Variants in IPCEF1 observed in about 807,000 individuals in gnomAD.
IPCEF1 encodes the protein interactor protein for cytohesin exchange factors 1.
A neutral mutation model predicts 50.9 loss-of-function variants in IPCEF1; 31 were observed. That is an observed-to-expected ratio of 0.61 (90% CI 0.46 to 0.82). IPCEF1 has a LOEUF of 0.82. Ranked by LOEUF, IPCEF1 falls within the 40% of genes least tolerant of loss-of-function variation. IPCEF1 has a pLI of 0.00. For missense variants in IPCEF1, 458 were observed against 514.0 expected (o/e 0.89, Z 1.05); for synonymous variants, 181 against 192.0 (o/e 0.94, Z 0.47).
chr6:154,265,782 C>A (rs1781740395), intron 3 of IPCEF1, 130 bp downstream of exon 3: 2 of 676,254 alleles, frequency 3.0e-6, no homozygotes, highest in South Asian at 1.9e-5. Context: ...GCAACAGTGT[C>A]TTTGGTTCTA....
At chr6:154,205,281 T>C (rs552742189) in intron 9 of IPCEF1, among the ~76,000 whole-genome samples, 1 of 152,328 alleles carries the variant, frequency 6.6e-6, no homozygotes, top group African/African-American at 2.4e-5. Context: ...CCCTGTATTT[T>C]TTTTTAATAA....
intron 1 of IPCEF1, among the ~76,000 whole-genome samples, chr6:154,342,784 T>C (rs1281878381): frequency 2.0e-5 from 3 of 152,116 alleles, no homozygotes; most frequent in Non-Finnish European, 2.9e-5. Flanking sequence ...TAAGGAAATG[T>C]GTAAATACTA....
intron 5 of IPCEF1, among the ~76,000 whole-genome samples, chr6:154,224,324 G>T (rs1285743052): frequency 1.3e-5 from 2 of 152,108 alleles, no homozygotes; most frequent in Admixed American, 6.5e-5. Flanking sequence ...AAATTAAACT[G>T]TGAGGCATCC....
intron 2 of IPCEF1, among the ~76,000 whole-genome samples, chr6:154,276,138 T>C (rs1349269222): frequency 6.6e-6 from 1 of 151,532 alleles, no homozygotes; most frequent in Non-Finnish European, 1.5e-5. Flanking sequence ...GAGCCGAGAT[T>C]GTGCCACTGC....
intron 2 of IPCEF1, among the ~76,000 whole-genome samples, chr6:154,284,393 A>G (rs74534438): frequency 0.037 from 5,619 of 152,234 alleles, 329 homozygotes; most frequent in African/African-American, 0.13. Flanking sequence ...TTGTTAGTGT[A>G]CTCTATGTCT....
At chr6:154,283,398 C>G (rs1408108879) in intron 2 of IPCEF1, among the ~76,000 whole-genome samples, 1 of 151,358 alleles carries the variant, frequency 6.6e-6, no homozygotes, top group Admixed American at 6.6e-5. Flanking sequence ...AGATCATGAC[C>G]ATCCTGGCTA....
rs1483006308 is a variant in IPCEF1 at position 154,298,931 on chromosome 6, C to T, written c.-61-9175G>A. Among the ~76,000 whole-genome samples, 4 of 138,466 alleles carry T rather than the reference C, an allele frequency of 2.9e-5. 1 individual carries two copies. Among genetic ancestry groups the T allele is most frequent in the African/African-American group, 5.2e-5 (2 of 38,656 alleles). The allele number at this position is 138,466 out of a possible 152,430, so 90.8% of individuals were successfully genotyped here. A position where few individuals can be genotyped will look rare whatever the true frequency, so the allele number is the denominator to read the frequency against. On this transcript the variant is annotated intron_variant, in intron 1 of 11. Transcript: ENST00000367220. ...AAGCTGAGATAGCCCCATTGCACTC[C>T]GACCTGGGCAACAAGAGCGAAACTC...
At position 154,265,860 on chromosome 6, in the gene IPCEF1, A is replaced by C. The variant is rs373892936; in HGVS notation, c.36+52T>G. On this transcript the variant is annotated intron_variant, in intron 3 of 11. Transcript: ENST00000367220. The stretch of plus-strand genomic sequence containing the variant: ...TTGAAATCAACCTACTATTTTACTC[A>C]TTCATCAAACTGACAATATCTAAAG... 6 of 1,306,188 alleles carry C rather than the reference A, an allele frequency of 4.6e-6. No individual in the cohort carries two copies. In the African/African-American group the frequency reaches 9.0e-5, roughly 20 times the overall value. The allele number at this position is 1,306,188 out of a possible 1,614,324, so 80.9% of individuals were successfully genotyped here. A position where few individuals can be genotyped will look rare whatever the true frequency, so the allele number is the denominator to read the frequency against.
chr6:154,244,307 T>TGG (rs1780854343), intron 5 of IPCEF1, among the ~76,000 whole-genome samples: 1 of 150,748 alleles, frequency 6.6e-6, no homozygotes, highest in Non-Finnish European at 1.5e-5. Flanking sequence ...GGTGGGTGTG[T>TGG]GTGTGTGTGT....
chr6:154,290,083 A>G (rs1226406102), intron 1 of IPCEF1, among the ~76,000 whole-genome samples: 1 of 152,202 alleles, frequency 6.6e-6, no homozygotes, highest in East Asian at 1.9e-4. Flanking sequence ...GCAGTCTCCC[A>G]TTAGATAAGT....
chr6:154,347,822 G>A (rs1459288584), intron 1 of IPCEF1, among the ~76,000 whole-genome samples: 1 of 152,162 alleles, frequency 6.6e-6, no homozygotes, highest in Admixed American at 6.5e-5. Flanking sequence ...GTGAGCTCGT[G>A]GGGAGTGGAC....
At chr6:154,292,366 A>G (rs902025291) in intron 1 of IPCEF1, among the ~76,000 whole-genome samples, 1 of 152,220 alleles carries the variant, frequency 6.6e-6, no homozygotes, top group Non-Finnish European at 1.5e-5. Context: ...ATTGCCTCAT[A>G]TAAACTAAAT....
chr6:154,280,061 G>A (rs564135726), intron 2 of IPCEF1, among the ~76,000 whole-genome samples: 10 of 152,328 alleles, frequency 6.6e-5, no homozygotes, highest in South Asian at 4.1e-4. Flanking sequence ...AATGCCAAGC[G>A]TTGGCAAGAT....
intron 3 of IPCEF1, among the ~76,000 whole-genome samples, chr6:154,265,312 G>A (rs948374016): frequency 4.6e-5 from 7 of 151,116 alleles, no homozygotes; most frequent in Admixed American, 2.0e-4. Flanking sequence ...GCGGAGTCTC[G>A]CTCTGTTGCC....
intron 5 of IPCEF1, among the ~76,000 whole-genome samples, chr6:154,230,912 T>C (rs953096352): frequency 6.6e-6 from 1 of 152,354 alleles, no homozygotes; most frequent in South Asian, 2.1e-4. Flanking sequence ...TAATATACTT[T>C]TGTGTTTTTA....
At chr6:154,239,254 T>C (rs543706894) in intron 5 of IPCEF1, among the ~76,000 whole-genome samples, 2 of 152,344 alleles carry the variant, frequency 1.3e-5, no homozygotes, top group East Asian at 3.9e-4. Context: ...TATTGAGAAC[T>C]GCCCATCCCA....
At chr6:154,342,031 T>C (rs1783928962) in intron 1 of IPCEF1, among the ~76,000 whole-genome samples, 1 of 152,164 alleles carries the variant, frequency 6.6e-6, no homozygotes. Flanking sequence ...TCCAAATGAA[T>C]AGCCGTTACT....
intron 1 of IPCEF1, among the ~76,000 whole-genome samples, chr6:154,323,726 G>A (rs1783449795): frequency 6.6e-6 from 1 of 152,184 alleles, no homozygotes; most frequent in African/African-American, 2.4e-5. Context: ...GCCGAGGTGG[G>A]CAGATCACCT....
Position 154,246,079 on chromosome 6 carries a change from C to T in IPCEF1, c.246+512G>A, listed in dbSNP as rs1055308964. Among the ~76,000 whole-genome samples, 5 of 152,050 alleles carry T rather than the reference C, an allele frequency of 3.3e-5. No homozygotes were observed. The East Asian group carries it at 7.7e-4, about 23-fold the overall frequency. On this transcript the variant is annotated intron_variant, in intron 5 of 11. Coordinates refer to ENST00000367220, the MANE Select transcript of IPCEF1 (RefSeq NM_001130700.2). ...AATGCAAAGCTGGCATAGGGGTTAG[C>T]GATTCCAAACCAACCCATTTGATAA...
Sources: allele counts gnomAD v4.1 joint callset (sites outside exome capture counted in the v4.1 genomes callset), GRCh38; gene constraint gnomAD v4.1.1; transcripts MANE v1.5; gene names NCBI Gene and HGNC (gene_info 2026-07-23, HGNC 2026-07-21).